DMD: variants seen among roughly 807,000 people sequenced by gnomAD.
DMD encodes mutant dystrophin.
Under a neutral mutation model 330.1 loss-of-function variants are expected in DMD, and 63 were observed. That is an observed-to-expected ratio of 0.19 (90% CI 0.16 to 0.24). The LOEUF (loss-of-function observed/expected upper bound fraction) is 0.24. Among genes scored for constraint, DMD ranks in the 10% least tolerant of loss-of-function variants. DMD has a pLI of 1.00. For synonymous variants in DMD, 1,223 were observed against 959.8 expected (o/e 1.27, Z -5.07); for missense variants, 3,344 against 2,684.1 (o/e 1.25, Z -5.43).
chrX:32,738,923 A>G (rs1481995251), intron 7 of DMD, among the ~76,000 whole-genome samples: 6 of 111,930 alleles, frequency 5.4e-5, no homozygotes, highest in African/African-American at 1.9e-4. Context: ...TTTTGATAGA[A>G]TAAATGAGGC....
intron 62 of DMD, among the ~76,000 whole-genome samples, chrX:31,320,012 T>C (rs2056303771): frequency 8.9e-6 from 1 of 111,942 alleles, no homozygotes; most frequent in Admixed American, 9.5e-5. Context: ...TTGTAACAGG[T>C]TGAACATTGT....
At chrX:33,278,490 T>C (rs1603427727) in intron 1 of DMD, among the ~76,000 whole-genome samples, 1 of 111,961 alleles carries the variant, frequency 8.9e-6, no homozygotes, top group South Asian at 3.7e-4. Flanking sequence ...GCTCCATCAA[T>C]GTTGTTGCAA....
At chrX:31,284,992 T>A in intron 62 of DMD, among the ~76,000 whole-genome samples, 1 of 109,839 alleles carries the variant, frequency 9.1e-6, no homozygotes, top group Middle Eastern at 4.7e-3. Context: ...AGACCGAGAT[T>A]TTCGATATTA....
chrX:32,982,731 C>A (rs998838462), intron 2 of DMD, among the ~76,000 whole-genome samples: 4 of 111,887 alleles, frequency 3.6e-5, no homozygotes, highest in African/African-American at 1.3e-4. Flanking sequence ...GACCCACAAC[C>A]AGCAGTCGAA....
chrX:31,432,900 A>G (rs1203073290), intron 60 of DMD, among the ~76,000 whole-genome samples: 2 of 112,599 alleles, frequency 1.8e-5, no homozygotes, highest in African/African-American at 3.2e-5. Flanking sequence ...TTATATTTTT[A>G]GATTTCAATT....
chrX:32,042,508 A>G (rs766986773), intron 44 of DMD, among the ~76,000 whole-genome samples: 1 of 111,075 alleles, frequency 9.0e-6, no homozygotes, highest in African/African-American at 3.3e-5. Context: ...TCAAGATCCA[A>G]TTGCCTCCAC....
chrX:32,785,992 AACT>A (rs1434462933), intron 7 of DMD, among the ~76,000 whole-genome samples: 3 of 110,248 alleles, frequency 2.7e-5, no homozygotes, highest in Non-Finnish European at 5.7e-5. Context: ...TTTGATTAAC[AACT>A]ACAACAATAT....
intron 52 of DMD, among the ~76,000 whole-genome samples, chrX:31,721,368 C>A (rs2085461086): frequency 9.1e-6 from 1 of 110,334 alleles, no homozygotes; most frequent in Non-Finnish European, 1.9e-5. Flanking sequence ...AAGCAGATTA[C>A]CCTCCACAAT....
At chrX:32,906,174 T>TGGTG (rs2086710676) in intron 2 of DMD, among the ~76,000 whole-genome samples, 1 of 111,680 alleles carries the variant, frequency 9.0e-6, no homozygotes, top group African/African-American at 3.3e-5. Context: ...TTCTCATTAA[T>TGGTG]GGTGTAGCAC....
chrX:32,576,951 C>A (rs1184636185), intron 13 of DMD, among the ~76,000 whole-genome samples: 1 of 111,158 alleles, frequency 9.0e-6, no homozygotes, highest in African/African-American at 3.3e-5. Flanking sequence ...AAATATGTAC[C>A]AAATATCTGG....
At position 31,244,589 on chromosome X, in the gene DMD, G is replaced by C. The variant is rs1283006138; in HGVS notation, c.9286+16366C>G. On this transcript the variant is annotated intron_variant, in intron 63 of 78. Transcript: ENST00000357033. ...AATTGGGAAATATTTTTTTACAAAA[G>C]TGGTACCCCAATAAACTGCAACTAG... is the stretch of plus-strand genomic sequence containing the variant. Among the ~76,000 whole-genome samples the C allele has an allele frequency of 1.8e-5, 2 of 111,655 alleles. 1 individual carries two copies. The highest frequency in any genetic ancestry group is 6.5e-5 in the African/African-American group (2 of 30,731).
intron 26 of DMD, among the ~76,000 whole-genome samples, chrX:32,451,307 A>C (rs2098328959): frequency 9.0e-6 from 1 of 111,305 alleles, no homozygotes; most frequent in Admixed American, 9.5e-5. Context: ...TCACTGCTGT[A>C]GTGATTATAC....
intron 2 of DMD, among the ~76,000 whole-genome samples, chrX:32,976,058 T>C: frequency 9.0e-6 from 1 of 111,197 alleles, no homozygotes; most frequent in East Asian, 2.8e-4. Context: ...CCATCTCTAC[T>C]AAAAATACAA....
rs1470026292 is a variant in DMD at position 32,892,551 on chromosome X, A to C, written c.94-42731T>G. Among the ~76,000 whole-genome samples the C allele has an allele frequency of 1.1e-4, 12 of 109,137 alleles. No homozygotes were observed. In the Admixed American group the frequency reaches 1.2e-3, roughly 11 times the overall value. 94.8% of individuals were successfully genotyped at this position (109,137 alleles called of 115,157 possible). On this transcript the variant is annotated intron_variant, in intron 2 of 78. Coordinates refer to ENST00000357033, the MANE Select transcript of DMD (RefSeq NM_004006.3). Reference sequence around the variant, plus strand: ...TGGGATTACAGGCACCTGCCACCACACCCGGCTAATTTTTTTTTGTATTTG... The same window carrying C: ...TGGGATTACAGGCACCTGCCACCACCCCCGGCTAATTTTTTTTTGTATTTG...
chrX:31,517,553 G>A (rs1033732720), intron 55 of DMD, among the ~76,000 whole-genome samples: 2 of 111,303 alleles, frequency 1.8e-5, no homozygotes, highest in Non-Finnish European at 1.9e-5. Context: ...GTGTAAAGGT[G>A]TAACATTGTG....
chrX:32,974,564 C>A (rs1262149726), intron 2 of DMD, among the ~76,000 whole-genome samples: 1 of 111,329 alleles, frequency 9.0e-6, no homozygotes, highest in Non-Finnish European at 1.9e-5. Context: ...TGTGCTGTGG[C>A]TTTTTGGAAG....
intron 13 of DMD, among the ~76,000 whole-genome samples, chrX:32,591,893 T>C (rs750157201): frequency 8.9e-6 from 1 of 112,831 alleles, no homozygotes; most frequent in Admixed American, 9.3e-5. Context: ...CCGCACTGGC[T>C]CCTGGGAGAA....
At chrX:32,582,994 A>G (rs1319543454) in intron 13 of DMD, among the ~76,000 whole-genome samples, 1 of 111,723 alleles carries the variant, frequency 9.0e-6, no homozygotes, top group African/African-American at 3.3e-5. Flanking sequence ...TAACAATCAC[A>G]GATTGCCTAA....
At position 32,628,424 on chromosome X, in the gene DMD, A is replaced by C. The variant is rs957767317; in HGVS notation, c.1332-13971T>G. On this transcript the variant is annotated intron_variant, in intron 11 of 78. Transcript: ENST00000357033. ...ACTGGATCTCATTCTTTCTTAGTCA[A>C]GCTTAAGACTTGTCATTTTTGTCAA... Among the ~76,000 whole-genome samples the C allele has an allele frequency of 6.6e-5, 7 of 106,387 alleles. No homozygotes were observed. The Admixed American group carries it at 7.2e-4, about 11-fold the overall frequency. 92.4% of individuals were successfully genotyped at this position (106,387 alleles called of 115,157 possible).
Sources: gnomAD v4.1 joint callset for allele counts (sites outside exome capture counted in the v4.1 genomes callset) on GRCh38, gnomAD v4.1.1 for gene constraint, MANE v1.5 for transcripts, NCBI Gene and HGNC (gene_info 2026-07-23, HGNC 2026-07-21) for gene names.